Variants in SLC15A2 observed in about 807,000 individuals in gnomAD.
SLC15A2 encodes the protein solute carrier family 15 member 2.
Under a neutral mutation model 95.5 loss-of-function variants are expected in SLC15A2, and 77 were observed. The ratio of observed to expected loss-of-function variants is 0.81; its 90% CI spans 0.67 to 0.97. The LOEUF (loss-of-function observed/expected upper bound fraction) is 0.97, where lower values mean the gene tolerates loss of function less well. Among genes scored for constraint, SLC15A2 ranks in the 50% least tolerant of loss-of-function variants. SLC15A2 has a pLI of 0.00. For synonymous variants in SLC15A2, 306 were observed against 306.9 expected (o/e 1.00, Z 0.03); for missense variants, 893 against 874.4 (o/e 1.02, Z -0.27).
At chr3:121,918,581 G>C (rs1416502789) in intron 7 of SLC15A2, among the ~76,000 whole-genome samples, 2 of 151,902 alleles carry the variant, frequency 1.3e-5, no homozygotes, top group African/African-American at 4.8e-5. Context: ...AAAGTGGGGT[G>C]GGGGGATAGG....
intron 7 of SLC15A2, among the ~76,000 whole-genome samples, chr3:121,920,861 T>G (rs761569652): frequency 6.6e-6 from 1 of 152,186 alleles, no homozygotes; most frequent in Non-Finnish European, 1.5e-5. Flanking sequence ...TACTTGTCAC[T>G]GAGAAAATCA....
chr3:121,924,634 C>A (rs1326677588), intron 12 of SLC15A2, among the ~76,000 whole-genome samples: 1 of 152,042 alleles, frequency 6.6e-6, no homozygotes, highest in Non-Finnish European at 1.5e-5. Context: ...TAATCAAAAT[C>A]TTGTAAAAGA....
chr3:121,934,125 T>C (rs1356378040), intron 19 of SLC15A2, among the ~76,000 whole-genome samples: 1 of 152,190 alleles, frequency 6.6e-6, no homozygotes, highest in Non-Finnish European at 1.5e-5. Flanking sequence ...GATCTATATC[T>C]CTGTTTTGGT....
Position 121,941,296 on chromosome 3 carries a change from A to C in SLC15A2, c.*289A>C, listed in dbSNP as rs529243087. On this transcript the variant is annotated 3_prime_UTR_variant, in exon 22 of 22. Coordinates refer to ENST00000489711, the MANE Select transcript of SLC15A2 (RefSeq NM_021082.4). ...AAAATACACACGTATAATGGAGATC[A>C]TTCTCTGTGGGTATGCAAAGTTATG... 5 of 248,022 alleles carry C rather than the reference A, an allele frequency of 2.0e-5. No individual in the cohort carries two copies. Among genetic ancestry groups the C allele is most frequent in the Non-Finnish European group, 3.8e-5 (5 of 131,148 alleles). The allele number at this position is 248,022 out of a possible 1,614,324, so 15.4% of individuals were successfully genotyped here.
At chr3:121,928,331 C>A in intron 14 of SLC15A2, 90 bp from the exon 15 acceptor site, 1 of 1,473,556 alleles carries the variant, frequency 6.8e-7, no homozygotes, top group Non-Finnish European at 9.2e-7. Flanking sequence ...GGCTAGTGGA[C>A]TAGGCTGTCA....
intron 13 of SLC15A2, 200 bp from the exon 14 acceptor site, chr3:121,927,558 G>A: frequency 2.0e-6 from 1 of 499,498 alleles, no homozygotes; most frequent in South Asian, 3.2e-5. Context: ...GCTGGAAGAT[G>A]CCAGCACTGT....
At chr3:121,920,830 T>C (rs1187032054) in intron 7 of SLC15A2, among the ~76,000 whole-genome samples, 3 of 152,200 alleles carry the variant, frequency 2.0e-5, no homozygotes. Context: ...CATTCTGATG[T>C]GTAAGGATAC....
chr3:121,922,534 A>G (rs1052943760), intron 8 of SLC15A2, among the ~76,000 whole-genome samples: 2 of 152,212 alleles, frequency 1.3e-5, no homozygotes, highest in African/African-American at 4.8e-5. Context: ...AAATGTAATT[A>G]TATATAGACA....
chr3:121,926,883 G>A (rs1210682142), intron 13 of SLC15A2, among the ~76,000 whole-genome samples: 1 of 152,260 alleles, frequency 6.6e-6, no homozygotes, highest in East Asian at 1.9e-4. Context: ...TTGTATTGGT[G>A]TGCCCTGAAT....
At chr3:121,922,953 T>A in intron 9 of SLC15A2, 87 bp from the exon 10 acceptor site, 1 of 1,540,398 alleles carries the variant, frequency 6.5e-7, no homozygotes, top group Non-Finnish European at 9.0e-7. Flanking sequence ...ACCTCCTCTC[T>A]ACTGTTTTTT....
At chr3:121,902,998 C>T (rs923934543) in intron 3 of SLC15A2, among the ~76,000 whole-genome samples, 1 of 152,242 alleles carries the variant, frequency 6.6e-6, no homozygotes, top group African/African-American at 2.4e-5. Context: ...TATTTCTCCA[C>T]ATCCTCTCCA....
chr3:121,919,975 AG>A (rs1166698826), intron 7 of SLC15A2, among the ~76,000 whole-genome samples: 5 of 152,222 alleles, frequency 3.3e-5, no homozygotes, highest in African/African-American at 1.2e-4. Context: ...AAGAATTAAT[AG>A]ATCTGGTGGC....
rs910712167 is a variant in SLC15A2 at position 121,941,423 on chromosome 3, A to G, written c.*416A>G. On this transcript the variant is annotated 3_prime_UTR_variant, in exon 22 of 22. Coordinates refer to ENST00000489711, the MANE Select transcript of SLC15A2 (RefSeq NM_021082.4). ...CAGAATAACAAAGAAATGGTATTTC[A>G]AGTTTTTTTTTTTATAAGCAATGTA... 6.5e-6 allele frequency: 1 copy of G among 154,830 alleles called. No individual in the cohort carries two copies. Among genetic ancestry groups the G allele is most frequent in the African/African-American group, 2.4e-5 (1 of 41,384 alleles). 9.6% of individuals were successfully genotyped at this position (154,830 alleles called of 1,614,324 possible).
chr3:121,906,870 G>T (rs1317874900), intron 3 of SLC15A2, among the ~76,000 whole-genome samples: 2 of 152,080 alleles, frequency 1.3e-5, no homozygotes, highest in African/African-American at 4.8e-5. Flanking sequence ...TATCTTTGTG[G>T]TGTTCTCTGA....
chr3:121,900,253 T>A (rs776242185), intron 3 of SLC15A2, among the ~76,000 whole-genome samples: 1 of 152,198 alleles, frequency 6.6e-6, no homozygotes, highest in South Asian at 2.1e-4. Context: ...CAATCAGTTA[T>A]CAAATTCTAC....
chr3:121,895,461 C>A (rs1218717990), intron 1 of SLC15A2: 1 of 152,102 alleles, frequency 6.6e-6, no homozygotes, highest in Admixed American at 6.6e-5. Context: ...TTATATATAT[C>A]CCTAGGGTTA....
chr3:121,928,472 A>G lies in SLC15A2; in HGVS notation c.1258A>G (p.Asn420Asp). 4 of 1,614,154 alleles carry G rather than the reference A, an allele frequency of 2.5e-6. No homozygotes were observed. The highest frequency in any genetic ancestry group is 3.4e-6 in the Non-Finnish European group (4 of 1,179,986). ...CCAGGAGGTTTTCCTACAAGTCTTG[A>G]ATCTGGCAGATGATGAGGTGAAGGT... ...GPQEVFLQVLNLADDEVKVTV... is the reference protein window; with the variant it reads ...GPQEVFLQVLDLADDEVKVTV... The change falls in exon 15 of 22, where the codon AAT (asparagine) becomes GAT (aspartate). Residue 420 changes from asparagine to aspartate, a missense_variant. Transcript: ENST00000489711.
At chr3:121,897,030 G>T (rs1380434048) in intron 2 of SLC15A2, among the ~76,000 whole-genome samples, 7 of 150,448 alleles carry the variant, frequency 4.7e-5, no homozygotes, top group African/African-American at 1.7e-4. Context: ...CAGGTATGAA[G>T]AATGGAATTC....
Position 121,943,921 on chromosome 3 carries a change from G to A in SLC15A2, c.*2914G>A, listed in dbSNP as rs1434264197. 1.3e-5 allele frequency: 2 copies of A among 152,032 alleles called. No homozygotes were observed. The highest frequency in any genetic ancestry group is 3.8e-4 in the East Asian group (2 of 5,196). 9.4% of individuals were successfully genotyped at this position (152,032 alleles called of 1,614,324 possible). A position where few individuals can be genotyped will look rare whatever the true frequency, so the allele number is the denominator to read the frequency against. The stretch of plus-strand genomic sequence containing the variant: ...CTTAAACATATCTAAACATAGAAAC[G>A]GTACAAAAAACTTTACACATTATAT... On this transcript the variant is annotated 3_prime_UTR_variant, in exon 22 of 22. Transcript: ENST00000489711.
Sources: gnomAD v4.1 joint callset for allele counts (sites outside exome capture counted in the v4.1 genomes callset) on GRCh38, gnomAD v4.1.1 for gene constraint, MANE v1.5 for transcripts, NCBI Gene and HGNC (gene_info 2026-07-23, HGNC 2026-07-21) for gene names.